Variants in SLC25A21 observed in about 807,000 individuals in gnomAD.
SLC25A21 encodes the protein solute carrier family 25 member 21, also known as mitochondrial 2-oxodicarboxylate carrier.
SLC25A21 carries 47 observed loss-of-function variants against 43.8 expected under a neutral mutation model. The ratio of observed to expected loss-of-function variants is 1.07; its 90% CI spans 0.85 to 1.37. SLC25A21 has a LOEUF of 1.37. Among genes scored for constraint, SLC25A21 ranks in the 40% most tolerant of loss-of-function variants. The pLI is 0.00. For synonymous variants in SLC25A21, 131 were observed against 121.3 expected, an observed-to-expected ratio of 1.08 and a Z score of -0.52; for missense variants, 352 against 350.2, an observed-to-expected ratio of 1.00 and a Z score of -0.04.
chr14:37,137,342 T>C (rs1453743507), intron 1 of SLC25A21, among the ~76,000 whole-genome samples: 2 of 152,212 alleles, frequency 1.3e-5, no homozygotes, highest in Non-Finnish European at 2.9e-5. Context: ...TAAATAATGG[T>C]ATTATGTTTA....
At position 36,898,142 on chromosome 14, in the gene SLC25A21, C is replaced by CAG. The variant is rs371934946; in HGVS notation, c.71-23140_71-23139dup. On this transcript the variant is annotated intron_variant, in intron 1 of 9. Coordinates refer to ENST00000331299, the MANE Select transcript of SLC25A21 (RefSeq NM_030631.4). ...GCCCTGCCCCTAGAGGTGGAGTCTA[C>CAG]AGAGGCAGGCAGGCCTCCTTGAGCT... is the stretch of plus-strand genomic sequence containing the variant. Among the ~76,000 whole-genome samples the CAG allele has an allele frequency of 9.9e-3, 1,507 of 152,292 alleles. 27 individuals are homozygous for CAG. The highest frequency in any genetic ancestry group is 0.034 in the African/African-American group (1,402 of 41,540).
In SLC25A21 at chr14:37,172,300, G is replaced by A. The variant is rs775569926; in HGVS notation, c.51C>T (p.Ile17=). ...VSLVREASRQ[I]VAGGSAGLVE... ...CCTTACCTGCAGAACCACCGGCCAC[G>A]ATCTGCCGAGAAGCCTCGCGCACTA... The change falls in exon 1 of 10, where the codon ATC becomes ATT. Residue 17 remains isoleucine, a synonymous_variant. Transcript: ENST00000331299. The A allele has an allele frequency of 6.2e-7, 1 of 1,600,270 alleles. No individual in the cohort carries two copies. The highest frequency in any genetic ancestry group is 8.5e-7 in the Non-Finnish European group (1 of 1,173,756).
At chr14:37,015,741 G>C in intron 1 of SLC25A21, among the ~76,000 whole-genome samples, 1 of 151,958 alleles carries the variant, frequency 6.6e-6, no homozygotes, top group East Asian at 1.9e-4. Context: ...ATTCTAACTG[G>C]TGTGAGATGG....
chr14:37,016,514 T>C lies in SLC25A21; in HGVS notation c.71-141510A>G, dbSNP rs536389328. 1.2e-4 allele frequency among the ~76,000 whole-genome samples: 19 copies of C among 152,262 alleles called. No homozygotes were observed. The South Asian group carries it at 3.3e-3, about 27-fold the overall frequency. ...TTTGTTCTTTTGGCTTAGGATTGAC[T>C]TGGCGATGCGGGCTCTTTTTTGATT... is the stretch of plus-strand genomic sequence containing the variant. On this transcript the variant is annotated intron_variant, in intron 1 of 9. Transcript: ENST00000331299.
At chr14:37,100,026 CTATG>C (rs1455685994) in intron 1 of SLC25A21, among the ~76,000 whole-genome samples, 1 of 140,096 alleles carries the variant, frequency 7.1e-6, no homozygotes, top group Non-Finnish European at 1.5e-5. Flanking sequence ...GCCACCACCT[CTATG>C]TTTGTTTGTT....
At chr14:37,064,703 T>C (rs1962024523) in intron 1 of SLC25A21, among the ~76,000 whole-genome samples, 1 of 152,166 alleles carries the variant, frequency 6.6e-6, no homozygotes, top group Admixed American at 6.5e-5. Context: ...ATTAACTCAT[T>C]TGTGTCTCTC....
At chr14:37,151,583 T>C (rs946470965) in intron 1 of SLC25A21, among the ~76,000 whole-genome samples, 2 of 152,182 alleles carry the variant, frequency 1.3e-5, no homozygotes, top group Non-Finnish European at 2.9e-5. Flanking sequence ...ATGGGGGCAA[T>C]ACTTGAAGGG....
intron 1 of SLC25A21, among the ~76,000 whole-genome samples, chr14:37,130,464 C>T (rs542237033): frequency 9.9e-4 from 151 of 152,240 alleles, no homozygotes; most frequent in Middle Eastern, 6.8e-3. Flanking sequence ...GAAACTGGAT[C>T]CATCCTGTGA....
intron 3 of SLC25A21, among the ~76,000 whole-genome samples, chr14:36,742,408 A>G (rs1566562235): frequency 6.6e-6 from 1 of 152,158 alleles, no homozygotes; most frequent in African/African-American, 2.4e-5. Context: ...CTGACACTAC[A>G]CACTACACAC....
intron 3 of SLC25A21, among the ~76,000 whole-genome samples, chr14:36,738,455 T>C (rs999720255): frequency 3.9e-5 from 6 of 152,220 alleles, no homozygotes; most frequent in African/African-American, 1.4e-4. Context: ...GTGACACCCA[T>C]TGTTAACATG....
intron 1 of SLC25A21, among the ~76,000 whole-genome samples, chr14:36,880,905 C>T (rs932233593): frequency 1.3e-5 from 2 of 152,140 alleles, no homozygotes; most frequent in African/African-American, 2.4e-5. Context: ...GAGTAACGTG[C>T]TAGGTGCTGG....
chr14:36,808,193 C>G (rs1888112513), intron 3 of SLC25A21, among the ~76,000 whole-genome samples: 1 of 152,176 alleles, frequency 6.6e-6, no homozygotes, highest in South Asian at 2.1e-4. Context: ...TTAATCTGAC[C>G]TAGTTGTTTC....
At chr14:36,755,258 T>C (rs1036210436) in intron 3 of SLC25A21, among the ~76,000 whole-genome samples, 26 of 152,200 alleles carry the variant, frequency 1.7e-4, no homozygotes, top group African/African-American at 6.0e-4. Flanking sequence ...CCCTATTCAC[T>C]GAAGAAGCAA....
intron 1 of SLC25A21, among the ~76,000 whole-genome samples, chr14:37,060,854 C>G (rs1385765220): frequency 6.6e-6 from 1 of 152,082 alleles, no homozygotes; most frequent in Non-Finnish European, 1.5e-5. Flanking sequence ...CAGGGGAGAG[C>G]CCGGAAGCCA....
chr14:36,821,386 G>A (rs1888629208), intron 2 of SLC25A21, among the ~76,000 whole-genome samples: 1 of 152,086 alleles, frequency 6.6e-6, no homozygotes, highest in Non-Finnish European at 1.5e-5. Flanking sequence ...GGGTGGGGTG[G>A]GGGATGCCTT....
intron 1 of SLC25A21, among the ~76,000 whole-genome samples, chr14:37,167,946 C>T (rs929686674): frequency 1.2e-4 from 19 of 152,056 alleles, no homozygotes; most frequent in Non-Finnish European, 2.5e-4. Context: ...AACAATAAAA[C>T]TCCAGTCTCC....
chr14:36,690,778 T>A (rs751276559), intron 7 of SLC25A21, among the ~76,000 whole-genome samples: 7 of 152,198 alleles, frequency 4.6e-5, no homozygotes, highest in Non-Finnish European at 1.0e-4. Flanking sequence ...TCCTGCAAGA[T>A]GATATCTAGC....
At chr14:37,058,498 A>G (rs557319259) in intron 1 of SLC25A21, among the ~76,000 whole-genome samples, 81 of 152,346 alleles carry the variant, frequency 5.3e-4, no homozygotes, top group African/African-American at 1.9e-3. Flanking sequence ...ATTGTTTTAT[A>G]AAAGTTCATT....
chr14:37,127,509 C>G (rs1040933884), intron 1 of SLC25A21, among the ~76,000 whole-genome samples: 1 of 152,174 alleles, frequency 6.6e-6, no homozygotes, highest in Non-Finnish European at 1.5e-5. Context: ...TCTTTGACTT[C>G]TAGTGCTTTT....
Sources: allele counts gnomAD v4.1 joint callset (sites outside exome capture counted in the v4.1 genomes callset), GRCh38; gene constraint gnomAD v4.1.1; transcripts MANE v1.5; gene names NCBI Gene and HGNC (gene_info 2026-07-23, HGNC 2026-07-21).